Variants in TECPR2 observed in about 807,000 individuals in gnomAD.
TECPR2 encodes the protein tectonin beta-propeller repeat containing 2.
A neutral mutation model predicts 138.1 loss-of-function variants in TECPR2; 65 were observed. The observed-to-expected ratio is 0.47, with a 90% confidence interval of 0.39 to 0.58. The LOEUF is 0.58. Ranked by LOEUF, TECPR2 falls within the 20% of genes least tolerant of loss-of-function variation. TECPR2 has a pLI of 0.00. For missense variants in TECPR2, 1,553 were observed against 1,824.5 expected, an observed-to-expected ratio of 0.85 and a Z score of 2.71; for synonymous variants, 746 against 749.8, an observed-to-expected ratio of 0.99 and a Z score of 0.08.
intron 1 of TECPR2, among the ~76,000 whole-genome samples, chr14:102,375,386 T>C (rs1211267605): frequency 2.0e-5 from 3 of 151,150 alleles, no homozygotes; most frequent in Non-Finnish European, 4.4e-5. Flanking sequence ...AAAGTAAAAC[T>C]GGGAGAGGTG....
chr14:102,458,190 G>T (rs978864239), intron 16 of TECPR2, among the ~76,000 whole-genome samples: 1 of 152,112 alleles, frequency 6.6e-6, no homozygotes, highest in Admixed American at 6.5e-5. Context: ...AGTAAATTCT[G>T]CTGGAAAGAC....
intron 8 of TECPR2, among the ~76,000 whole-genome samples, chr14:102,433,518 A>G (rs185966176): frequency 6.7e-6 from 1 of 148,398 alleles, no homozygotes; most frequent in East Asian, 1.9e-4. Context: ...TTATTTATTT[A>G]TTTATTTTTT....
intron 2 of TECPR2, among the ~76,000 whole-genome samples, chr14:102,400,254 C>T (rs913548264): frequency 1.3e-5 from 2 of 152,110 alleles, no homozygotes; most frequent in South Asian, 4.2e-4. Flanking sequence ...CCATGTTGGC[C>T]GGGCTGGTGT....
At chr14:102,378,385 A>G (rs1331019328) in intron 2 of TECPR2, among the ~76,000 whole-genome samples, 1 of 152,200 alleles carries the variant, frequency 6.6e-6, no homozygotes, top group African/African-American at 2.4e-5. Context: ...CTTTAAAAAT[A>G]TATTTTTTAA....
chr14:102,413,272 G>A (rs1260091353), intron 4 of TECPR2, among the ~76,000 whole-genome samples: 1 of 151,644 alleles, frequency 6.6e-6, no homozygotes, highest in East Asian at 1.9e-4. Context: ...CTCACAAAAT[G>A]TCAGTGATGT....
At position 102,428,332 on chromosome 14, in the gene TECPR2, A is replaced by G. The variant is rs776923482; in HGVS notation, c.1034A>G (p.Asp345Gly). ...AATGAAATATTTTTCTTGAAAGGAGATAGGAACATTATAAGAATTTCAAGC... is the reference window on the plus strand; with the variant it reads ...AATGAAATATTTTTCTTGAAAGGAGGTAGGAACATTATAAGAATTTCAAGC... The part of the protein sequence containing the change: ...TENEIFFLKG[D>G]RNIIRISSRP... The change falls in exon 7 of 20, where the codon GAT becomes GGT. Residue 345 changes from aspartate to glycine, a missense_variant. Physicochemically the swap from Asp to Gly is moderately conservative, Grantham distance 94. Coordinates refer to ENST00000359520, the MANE Select transcript of TECPR2 (RefSeq NM_014844.5). 6 of 1,608,838 alleles carry G rather than the reference A, an allele frequency of 3.7e-6. No homozygotes were observed. The South Asian group carries it at 6.6e-5, about 18-fold the overall frequency.
At chr14:102,402,605 G>A (rs537345907) in intron 2 of TECPR2, among the ~76,000 whole-genome samples, 1 of 152,212 alleles carries the variant, frequency 6.6e-6, no homozygotes, top group South Asian at 2.1e-4. Context: ...GAAACCAAAA[G>A]TTGAATTTTT....
At chr14:102,427,669 C>G (rs1889359673) in intron 6 of TECPR2, among the ~76,000 whole-genome samples, 1 of 152,168 alleles carries the variant, frequency 6.6e-6, no homozygotes, top group African/African-American at 2.4e-5. Flanking sequence ...CATTCAAAAC[C>G]CATGAGTTGC....
Position 102,434,754 on chromosome 14 carries a change from A to G in TECPR2, c.1937A>G (p.Asn646Ser), listed in dbSNP as rs1286491260. ...QSTFCEVPLL[N>S]SLTVPSSLSW... ...ACTTTTTGTGAAGTCCCCCTCCTGA[A>G]CTCACTCACTGTGCCTTCCAGCCTC... The change falls in exon 9 of 20, where the codon AAC becomes AGC. Residue 646 changes from asparagine to serine, a missense_variant. Transcript: ENST00000359520. 6.2e-7 allele frequency: 1 copy of G among 1,613,320 alleles called. No homozygotes were observed. The highest frequency in any genetic ancestry group is 2.2e-5 in the East Asian group (1 of 44,886).
intron 2 of TECPR2, among the ~76,000 whole-genome samples, chr14:102,389,311 G>A (rs1184874525): frequency 1.3e-5 from 2 of 152,138 alleles, no homozygotes; most frequent in Non-Finnish European, 2.9e-5. Flanking sequence ...GGGTGACAGA[G>A]CAAGTCTCTG....
At chr14:102,463,757 C>A (rs1355186647) in intron 16 of TECPR2, among the ~76,000 whole-genome samples, 1 of 152,000 alleles carries the variant, frequency 6.6e-6, no homozygotes, top group Non-Finnish European at 1.5e-5. Context: ...AACTCCATCT[C>A]TACTAAAAAT....
intron 2 of TECPR2, among the ~76,000 whole-genome samples, chr14:102,403,586 A>G (rs1460572872): frequency 6.6e-6 from 1 of 152,234 alleles, no homozygotes; most frequent in Non-Finnish European, 1.5e-5. Flanking sequence ...AAGTAAAAGT[A>G]TCTCTGTTTG....
At chr14:102,379,566 G>A (rs1887736764) in intron 2 of TECPR2, among the ~76,000 whole-genome samples, 1 of 150,462 alleles carries the variant, frequency 6.6e-6, no homozygotes, top group Non-Finnish European at 1.5e-5. Flanking sequence ...TAAAATCCAT[G>A]CACAGAGGCA....
At chr14:102,407,645 C>T (rs1439003889) in intron 3 of TECPR2, among the ~76,000 whole-genome samples, 179 bp downstream of exon 3, 1 of 152,144 alleles carries the variant, frequency 6.6e-6, no homozygotes, top group Non-Finnish European at 1.5e-5. Flanking sequence ...GGGCTGATCA[C>T]GAGGTCAAGA....
chr14:102,381,880 CAGATGT>C (rs1406259962), intron 2 of TECPR2, among the ~76,000 whole-genome samples: 5 of 152,128 alleles, frequency 3.3e-5, no homozygotes, highest in East Asian at 1.9e-4. Flanking sequence ...CAAGTTTTAA[CAGATGT>C]AGATGTAGTA....
At position 102,414,908 on chromosome 14, in the gene TECPR2, CG is replaced by C; in HGVS notation, c.638+116del. On this transcript the variant is annotated intron_variant, in intron 5 of 19. Transcript: ENST00000359520. ...AGACCTCCTGTTTGCAAACCCACAG[CG>C]CCTCTAAGCCTGGGGTTCCTGGTGG... 2.3e-6 allele frequency: 3 copies of C among 1,331,302 alleles called. No individual in the cohort carries two copies. In the South Asian group the frequency reaches 4.3e-5, roughly 19 times the overall value. 82.5% of individuals were successfully genotyped at this position (1,331,302 alleles called of 1,614,324 possible).
intron 1 of TECPR2, among the ~76,000 whole-genome samples, chr14:102,376,076 G>C (rs1887632619): frequency 6.6e-6 from 1 of 152,200 alleles, no homozygotes; most frequent in African/African-American, 2.4e-5. Context: ...TGAGGAGGCT[G>C]TGGGCATCCA....
At chr14:102,473,233 G>T (rs1394861417) in intron 17 of TECPR2, among the ~76,000 whole-genome samples, 2 of 152,240 alleles carry the variant, frequency 1.3e-5, no homozygotes, top group Non-Finnish European at 2.9e-5. Context: ...CCAGGTTGTG[G>T]CGACATGTCA....
At chr14:102,375,993 G>A (rs1887630757) in intron 1 of TECPR2, among the ~76,000 whole-genome samples, 2 of 152,190 alleles carry the variant, frequency 1.3e-5, no homozygotes, top group Non-Finnish European at 2.9e-5. Context: ...GGGAAGCTTT[G>A]AAGCCAAAGT....
Sources: gnomAD v4.1 joint callset for allele counts (sites outside exome capture counted in the v4.1 genomes callset) on GRCh38, gnomAD v4.1.1 for gene constraint, MANE v1.5 for transcripts, NCBI Gene and HGNC (gene_info 2026-07-23, HGNC 2026-07-21) for gene names.